PTPRG: variants seen among roughly 807,000 people sequenced by gnomAD.
PTPRG encodes the protein protein tyrosine phosphatase receptor type G, also known as receptor-type tyrosine-protein phosphatase gamma.
In PTPRG, 102 loss-of-function variants were observed where a neutral mutation model predicts 165.3. The ratio of observed to expected loss-of-function variants is 0.62; its 90% CI spans 0.53 to 0.73. The LOEUF is 0.73. Among genes scored for constraint, PTPRG ranks in the 30% least tolerant of loss-of-function variants. The probability of loss-of-function intolerance (pLI) is 0.00; values close to 1 mark genes in which losing one functional copy is unlikely to be tolerated. For synonymous variants in PTPRG, 675 were observed against 669.5 expected (o/e 1.01, Z -0.13); for missense variants, 1,866 against 1,861.4 (o/e 1.00, Z -0.05).
intron 3 of PTPRG, among the ~76,000 whole-genome samples, chr3:61,995,970 C>G (rs1309959628): frequency 6.6e-6 from 1 of 152,048 alleles, no homozygotes; most frequent in East Asian, 1.9e-4. Context: ...TGTCTTCTTG[C>G]ATTTGCCTCC....
chr3:61,763,623 A>G (rs10222487), intron 2 of PTPRG, among the ~76,000 whole-genome samples: 150,894 of 151,064 alleles, frequency 1, 75,362 homozygotes, highest in Middle Eastern at 1. Context: ...CACCCGCCTC[A>G]GCCTCCCAAA....
At chr3:61,887,158 ATATATATATATATT>A (rs1559670230) in intron 2 of PTPRG, among the ~76,000 whole-genome samples, 29 of 122,034 alleles carry the variant, frequency 2.4e-4, no homozygotes, top group Admixed American at 4.0e-4. Context: ...ATATATATAT[ATATATATATATATT>A]TTTAATGCCA....
rs527427168 is a variant in PTPRG, at chr3:62,254,820, G to A, written c.2468-304G>A. Among the ~76,000 whole-genome samples, 173 of 152,198 alleles carry A rather than the reference G, an allele frequency of 1.1e-3. 2 individuals carry two copies. Among genetic ancestry groups the A allele is most frequent in the Non-Finnish European group, 1.0e-4 (7 of 68,016 alleles). ...TACCCTTGATAAATTCACACTTTTA[G>A]TTAAGAGTATGCTATGGTAATTTAA... is the stretch of plus-strand genomic sequence containing the variant. On this transcript the variant is annotated intron_variant, in intron 15 of 29. Coordinates refer to ENST00000474889, the MANE Select transcript of PTPRG (RefSeq NM_002841.4). The surrounding 1 kb of genome is among the most constrained non-coding windows in gnomAD (Gnocchi z 4.6).
At chr3:61,853,613 C>T (rs1367277168) in intron 2 of PTPRG, among the ~76,000 whole-genome samples, 1 of 152,208 alleles carries the variant, frequency 6.6e-6, no homozygotes, top group African/African-American at 2.4e-5. Context: ...CAGAACTGCA[C>T]AGCTAAGCCA....
rs554718680 is a variant in PTPRG, at chr3:61,796,153, A to G, written c.190+47171A>G. Reference sequence around the variant, plus strand: ...CAGAAAATAGTGTCTCTAGGAGTCAAGGGAGCTTTTCCCAAATGTTATCTA... The same window carrying G: ...CAGAAAATAGTGTCTCTAGGAGTCAGGGGAGCTTTTCCCAAATGTTATCTA... On this transcript the variant is annotated intron_variant, in intron 2 of 29. Coordinates refer to ENST00000474889, the MANE Select transcript of PTPRG (RefSeq NM_002841.4). 4.7e-4 allele frequency among the ~76,000 whole-genome samples: 71 copies of G among 152,336 alleles called. 1 individual carries two copies. The highest frequency in any genetic ancestry group is 1.6e-3 in the African/African-American group (65 of 41,570).
chr3:61,908,940 T>C (rs1252935065), intron 2 of PTPRG, among the ~76,000 whole-genome samples: 1 of 152,206 alleles, frequency 6.6e-6, no homozygotes, highest in Admixed American at 6.5e-5. Flanking sequence ...TGAGATTTCC[T>C]ACTGTTCCTT....
Position 61,909,950 on chromosome 3 carries a change from C to T in PTPRG, c.191-79675C>T, listed in dbSNP as rs77437962. ...TAGTGATCATACTCTTCATGGCATA[C>T]TGTCCTCCTTGGTTTGTGAAGGGGC... On this transcript the variant is annotated intron_variant, in intron 2 of 29. Transcript: ENST00000474889. Among the ~76,000 whole-genome samples, 223 of 152,308 alleles carry T rather than the reference C, an allele frequency of 1.5e-3. 2 individuals are homozygous for T. The highest frequency in any genetic ancestry group is 5.0e-3 in the African/African-American group (207 of 41,560).
At chr3:62,003,199 C>A in intron 3 of PTPRG, 150 bp from the exon 4 acceptor site, 1 of 815,442 alleles carries the variant, frequency 1.2e-6, no homozygotes, top group Non-Finnish European at 1.8e-6. Flanking sequence ...CTAATTTATT[C>A]AGGCGGGTGT....
chr3:61,690,935 CAG>C (rs2030155655), intron 1 of PTPRG, among the ~76,000 whole-genome samples: 1 of 151,836 alleles, frequency 6.6e-6, no homozygotes, highest in African/African-American at 2.4e-5. Flanking sequence ...TGAGACTGCT[CAG>C]AGAATGATTG....
intron 4 of PTPRG, among the ~76,000 whole-genome samples, chr3:62,021,328 T>A (rs1178780096): frequency 6.6e-6 from 1 of 152,226 alleles, no homozygotes; most frequent in Non-Finnish European, 1.5e-5. Context: ...TTAGGTTTAA[T>A]AGGAGCCAGG....
At chr3:61,817,588 A>G (rs2035824750) in intron 2 of PTPRG, among the ~76,000 whole-genome samples, 1 of 152,206 alleles carries the variant, frequency 6.6e-6, no homozygotes, top group South Asian at 2.1e-4. Flanking sequence ...GTTATGAGGT[A>G]TCTCCATCAG....
intron 2 of PTPRG, among the ~76,000 whole-genome samples, chr3:61,966,204 T>C (rs72885861): frequency 0.013 from 1,976 of 152,324 alleles, 42 homozygotes; most frequent in African/African-American, 0.043. Context: ...CATGCTTAAC[T>C]ATCTGCTGGC....
chr3:62,269,179 G>T lies in PTPRG; in HGVS notation c.3009+10G>T. The T allele has an allele frequency of 6.4e-7, 1 of 1,568,802 alleles. No individual in the cohort carries two copies. The highest frequency in any genetic ancestry group is 1.2e-5 in the South Asian group (1 of 85,298). Reference sequence around the variant, plus strand: ...TACAAAAGTGAAAAAGGTATGGAAGGAATTGGGTAGGCTGCCAGGGCATCC... The same window carrying T: ...TACAAAAGTGAAAAAGGTATGGAAGTAATTGGGTAGGCTGCCAGGGCATCC... On this transcript the variant is annotated intron_variant, in intron 20 of 29. Coordinates refer to ENST00000474889, the MANE Select transcript of PTPRG (RefSeq NM_002841.4).
rs1382345514 is a variant in PTPRG at position 62,277,695 on chromosome 3, C to T, written c.3765+16C>T. On this transcript the variant is annotated intron_variant, in intron 26 of 29. Transcript: ENST00000474889. Reference sequence around the variant, plus strand: ...CCAGAGCTTGGTAAGTAAAGCACATCTGCTATATATTAATGAGCCCATGAG... The same window carrying T: ...CCAGAGCTTGGTAAGTAAAGCACATTTGCTATATATTAATGAGCCCATGAG... 6.2e-7 allele frequency: 1 copy of T among 1,611,258 alleles called. No individual in the cohort carries two copies. Among genetic ancestry groups the T allele is most frequent in the Admixed American group, 1.7e-5 (1 of 59,890 alleles).
chr3:61,573,940 G>A (rs1349721951), intron 1 of PTPRG, among the ~76,000 whole-genome samples: 1 of 152,054 alleles, frequency 6.6e-6, no homozygotes, highest in Non-Finnish European at 1.5e-5. Flanking sequence ...TAAGGTATCT[G>A]TTGCTGAGAA....
intron 1 of PTPRG, among the ~76,000 whole-genome samples, chr3:61,688,986 T>C (rs2029971744): frequency 6.6e-6 from 1 of 152,190 alleles, no homozygotes; most frequent in Admixed American, 6.5e-5. Context: ...GCTGAGGAAG[T>C]TTGGTGGTAC....
chr3:62,212,768 T>C (rs1284867503), intron 12 of PTPRG, among the ~76,000 whole-genome samples: 1 of 152,238 alleles, frequency 6.6e-6, no homozygotes, highest in Non-Finnish European at 1.5e-5. Context: ...AGGCTTTTGT[T>C]GCCAACCTTG....
At chr3:61,704,475 AAT>A (rs1175045463) in intron 1 of PTPRG, among the ~76,000 whole-genome samples, 1 of 151,944 alleles carries the variant, frequency 6.6e-6, no homozygotes, top group Non-Finnish European at 1.5e-5. Flanking sequence ...AACAAATACA[AAT>A]TTGTGTCAGT....
chr3:62,169,109 T>C (rs1553644389), intron 8 of PTPRG, among the ~76,000 whole-genome samples: 76 of 152,280 alleles, frequency 5.0e-4, no homozygotes, highest in Non-Finnish European at 1.5e-5. Context: ...GGGGTTTATA[T>C]GGGTACAGGA....
Sources: gnomAD v4.1 joint callset for allele counts (sites outside exome capture counted in the v4.1 genomes callset) on GRCh38, gnomAD v4.1.1 for gene constraint, Gnocchi (gnomAD v3.1) non-coding constraint, MANE v1.5 for transcripts, NCBI Gene and HGNC (gene_info 2026-07-23, HGNC 2026-07-21) for gene names.